Variants in TBCD observed in about 807,000 individuals in gnomAD.
The protein encoded by TBCD is tubulin-specific chaperone D.
A neutral mutation model predicts 169.3 loss-of-function variants in TBCD; 105 were observed. The observed-to-expected ratio is 0.62, with a 90% CI of 0.53 to 0.73. TBCD has a LOEUF of 0.73. Ranked by LOEUF, TBCD falls within the 30% of genes least tolerant of loss-of-function variation. The probability of loss-of-function intolerance (pLI) is 0.00; values close to 1 mark genes in which losing one functional copy is unlikely to be tolerated. For missense variants in TBCD, 1,444 were observed against 1,600.1 expected, an observed-to-expected ratio of 0.90 and a Z score of 1.66; for synonymous variants, 700 against 643.9, an observed-to-expected ratio of 1.09 and a Z score of -1.32.
Position 82,831,415 on chromosome 17 carries a change from G to T in TBCD, c.1318+16481G>T. On this transcript the variant is annotated intron_variant, in intron 13 of 38. Transcript: ENST00000355528. This position sits in a 1 kb window ranked among gnomAD's most constrained non-coding sequence, Gnocchi z 4.6. The stretch of plus-strand genomic sequence containing the variant: ...CAGGGTGGCTTCTTCAAGCAGGTGA[G>T]AGCTCTGATCTCGGGTGAGGCCAGT... 1 of 1,614,226 alleles carries T rather than the reference G, an allele frequency of 6.2e-7. No homozygotes were observed. Among genetic ancestry groups the T allele is most frequent in the South Asian group, 1.1e-5 (1 of 91,086 alleles).
At chr17:82,811,301 G>A (rs1232497947) in intron 12 of TBCD, among the ~76,000 whole-genome samples, 1 of 152,250 alleles carries the variant, frequency 6.6e-6, no homozygotes, top group African/African-American at 2.4e-5. Flanking sequence ...CAGGCCTAGT[G>A]CGTCTCCTAA....
In TBCD at chr17:82,809,623, G is replaced by T. The variant is rs146054648; in HGVS notation, c.1149-85G>T. 2.5e-4 allele frequency: 344 copies of T among 1,393,584 alleles called. 3 individuals are homozygous for T. The East Asian group carries it at 8.3e-3, about 34-fold the overall frequency. The allele number at this position is 1,393,584 out of a possible 1,614,324, so 86.3% of individuals were successfully genotyped here. ...TCCTGGTCTCTGGAGGAAAGGATGG[G>T]TGTTCAGGCCATTCACACGTGTCAC... On this transcript the variant is annotated intron_variant, in intron 11 of 38. Coordinates refer to ENST00000355528, the MANE Select transcript of TBCD (RefSeq NM_005993.5).
chr17:82,800,735 A>C, intron 8 of TBCD, 129 bp from the exon 9 acceptor site: 1 of 1,126,342 alleles, frequency 8.9e-7, no homozygotes, highest in South Asian at 1.6e-5. Context: ...ATTTGGGATG[A>C]TGGGGGTCTT....
intron 17 of TBCD, among the ~76,000 whole-genome samples, chr17:82,900,054 G>C (rs1257593424): frequency 2.6e-5 from 4 of 152,194 alleles, no homozygotes; most frequent in Non-Finnish European, 4.4e-5. Context: ...GCATATGTTA[G>C]CTGTATATGG....
intron 14 of TBCD, among the ~76,000 whole-genome samples, chr17:82,881,567 C>A (rs1416096332): frequency 6.6e-6 from 1 of 152,156 alleles, no homozygotes; most frequent in Non-Finnish European, 1.5e-5. Flanking sequence ...GCTGGAGGGG[C>A]CCCTCTGCTT....
At chr17:82,786,217 G>A (rs1235440244) in intron 7 of TBCD, among the ~76,000 whole-genome samples, 2 of 151,996 alleles carry the variant, frequency 1.3e-5, no homozygotes, top group Non-Finnish European at 2.9e-5. Flanking sequence ...GGGCTTCTCT[G>A]CCCTCTAGGA....
intron 13 of TBCD, among the ~76,000 whole-genome samples, chr17:82,847,865 C>T (rs1049105280): frequency 1.3e-5 from 2 of 152,196 alleles, no homozygotes; most frequent in African/African-American, 2.4e-5. Context: ...TCGTGATCCA[C>T]CCTCCTCGGC....
chr17:82,823,499 G>C (rs115237806), intron 13 of TBCD, among the ~76,000 whole-genome samples: 1,982 of 152,184 alleles, frequency 0.013, 54 homozygotes, highest in African/African-American at 0.045. Context: ...TTGTGTGAAC[G>C]TGTGTGTTTC....
rs532108971 is a variant in TBCD at position 82,789,886 on chromosome 17, C to T, written c.772-7871C>T. The stretch of plus-strand genomic sequence containing the variant: ...CCTCCTGGCCTGTTTACCCGGGAGC[C>T]CAGCAACAAATGGGAGCTTCTGTGC... On this transcript the variant is annotated intron_variant, in intron 7 of 38. Transcript: ENST00000355528. The surrounding 1 kb of genome is among the most constrained non-coding windows in gnomAD (Gnocchi z 4.8). 6.6e-6 allele frequency among the ~76,000 whole-genome samples: 1 copy of T among 152,318 alleles called. No individual in the cohort carries two copies. The highest frequency in any genetic ancestry group is 2.1e-4 in the South Asian group (1 of 4,820).
intron 13 of TBCD, among the ~76,000 whole-genome samples, chr17:82,822,009 G>A (rs150601626): frequency 6.7e-4 from 102 of 152,314 alleles, no homozygotes; most frequent in African/African-American, 2.4e-3. Flanking sequence ...CATCGAAGAC[G>A]TACAAGCAGC....
intron 6 of TBCD, among the ~76,000 whole-genome samples, chr17:82,773,214 C>T (rs2144121592): frequency 6.6e-6 from 1 of 152,334 alleles, no homozygotes; most frequent in South Asian, 2.1e-4. Context: ...CGGTCAGTGC[C>T]TCATGCAGCG....
intron 7 of TBCD, among the ~76,000 whole-genome samples, chr17:82,784,090 C>T (rs1180110780): frequency 1.3e-5 from 2 of 151,952 alleles, no homozygotes; most frequent in African/African-American, 4.8e-5. Flanking sequence ...TGCCACTGCA[C>T]CCCAGCCTAG....
At chr17:82,753,571 C>G (rs952391326) in intron 1 of TBCD, among the ~76,000 whole-genome samples, 20 of 148,652 alleles carry the variant, frequency 1.3e-4, no homozygotes, top group Admixed American at 9.6e-4. Context: ...ATTCTCCTGT[C>G]TTAGCCTCCC....
intron 37 of TBCD, among the ~76,000 whole-genome samples, chr17:82,939,786 G>C (rs980410676): frequency 3.9e-5 from 6 of 152,218 alleles, no homozygotes; most frequent in African/African-American, 7.2e-5. Flanking sequence ...GGCACTGAAG[G>C]CCTGGCAGGT....
At chr17:82,792,402 AT>A (rs2049807178) in intron 7 of TBCD, among the ~76,000 whole-genome samples, 2 of 152,180 alleles carry the variant, frequency 1.3e-5, no homozygotes, top group South Asian at 4.1e-4. Flanking sequence ...TATATATAAA[AT>A]CCTTTTATGG....
intron 22 of TBCD, among the ~76,000 whole-genome samples, chr17:82,910,593 G>A (rs918495296): frequency 6.6e-6 from 1 of 151,500 alleles, no homozygotes; most frequent in African/African-American, 2.4e-5. Flanking sequence ...TGGAGAAGCA[G>A]TCTCACTCTG....
At position 82,889,622 on chromosome 17, in the gene TBCD, G is replaced by A. The variant is rs764532240; in HGVS notation, c.1534-46G>A. On this transcript the variant is annotated intron_variant, in intron 15 of 38. Coordinates refer to ENST00000355528, the MANE Select transcript of TBCD (RefSeq NM_005993.5). This position sits in a 1 kb window ranked among gnomAD's most constrained non-coding sequence, Gnocchi z 5.3. ...TTCTGAACTTGCCTCTGGTGTTGGC[G>A]GAAGCTGACCTCGCTCACCTGCTGT... The A allele has an allele frequency of 1.9e-5, 30 of 1,613,118 alleles. No homozygotes were observed. Among genetic ancestry groups the A allele is most frequent in the Admixed American group, 6.7e-5 (4 of 59,928 alleles).
chr17:82,904,116 T>G (rs1460787089), intron 19 of TBCD, among the ~76,000 whole-genome samples: 16 of 119,928 alleles, frequency 1.3e-4, no homozygotes, highest in Admixed American at 3.4e-4. Context: ...TGGTCTCTGG[T>G]TGGCATGCAC....
At chr17:82,881,239 G>T (rs942502458) in intron 14 of TBCD, among the ~76,000 whole-genome samples, 2 of 152,220 alleles carry the variant, frequency 1.3e-5, no homozygotes, top group Non-Finnish European at 2.9e-5. Context: ...GCCTTTCCAC[G>T]CTGAGACCAC....
Sources: allele counts gnomAD v4.1 joint callset (sites outside exome capture counted in the v4.1 genomes callset), GRCh38; gene constraint gnomAD v4.1.1; non-coding constraint Gnocchi (gnomAD v3.1); transcripts MANE v1.5; gene names NCBI Gene and HGNC (gene_info 2026-07-23, HGNC 2026-07-21).